The following ECT2L variants were observed in gnomAD, a reference collection of about 807,000 sequenced individuals.
The protein encoded by ECT2L is epithelial cell-transforming sequence 2 oncogene-like.
A neutral mutation model predicts 122.8 loss-of-function variants in ECT2L; 126 were observed. The observed-to-expected ratio is 1.03, with a 90% CI of 0.89 to 1.19. The LOEUF is 1.19. ECT2L is among the 50% of genes most tolerant of loss of function. The pLI is 0.00. For synonymous variants in ECT2L, 385 were observed against 381.8 expected (o/e 1.01, Z -0.10); for missense variants, 1,012 against 1,064.1 (o/e 0.95, Z 0.68).
At chr6:138,836,536 C>A (rs1048342505) in intron 4 of ECT2L, among the ~76,000 whole-genome samples, 6 of 152,014 alleles carry the variant, frequency 3.9e-5, no homozygotes, top group African/African-American at 1.4e-4. Context: ...GATCCACCCA[C>A]CTCGGCCTCC....
At chr6:138,866,539 C>T (rs546482672) in intron 12 of ECT2L, among the ~76,000 whole-genome samples, 20 of 151,730 alleles carry the variant, frequency 1.3e-4, no homozygotes, top group Admixed American at 5.3e-4. Flanking sequence ...GTGTGAGCCA[C>T]CGTGCCCAGC....
intron 15 of ECT2L, among the ~76,000 whole-genome samples, chr6:138,882,089 A>T (rs927205104): frequency 1.3e-5 from 2 of 152,236 alleles, no homozygotes; most frequent in Non-Finnish European, 2.9e-5. Context: ...CCCAAGGCTG[A>T]GGGTCAGTTT....
intron 4 of ECT2L, among the ~76,000 whole-genome samples, chr6:138,827,235 C>T (rs944415721): frequency 6.6e-6 from 1 of 152,104 alleles, no homozygotes; most frequent in Non-Finnish European, 1.5e-5. Context: ...GTAATCCCAG[C>T]TACTCTGGAG....
chr6:138,851,657 A>T (rs1249892827), intron 9 of ECT2L, among the ~76,000 whole-genome samples: 1 of 151,982 alleles, frequency 6.6e-6, no homozygotes, highest in Non-Finnish European at 1.5e-5. Context: ...GCACATTTTT[A>T]AAAATTGGGT....
intron 20 of ECT2L, among the ~76,000 whole-genome samples, chr6:138,898,589 CCAG>C (rs944235063): frequency 7.9e-5 from 12 of 152,166 alleles, no homozygotes; most frequent in Admixed American, 7.9e-4. Context: ...CTCAGCATCA[CCAG>C]AGAGCTTGCC....
chr6:138,827,200 T>G (rs1776480403), intron 4 of ECT2L, among the ~76,000 whole-genome samples: 1 of 151,936 alleles, frequency 6.6e-6, no homozygotes, highest in African/African-American at 2.4e-5. Context: ...TACAAAAAAT[T>G]AGCCAGGTGT....
intron 20 of ECT2L, 106 bp from the exon 21 acceptor site, chr6:138,900,842 T>A: frequency 1.7e-6 from 2 of 1,193,446 alleles, no homozygotes; most frequent in Admixed American, 5.5e-5. Flanking sequence ...ATGTCAGTAG[T>A]GGGGTAAAAG....
At position 138,844,586 on chromosome 6, in the gene ECT2L, C is replaced by T. The variant is rs1411760639; in HGVS notation, c.764+6C>T. ...TTAGAAACCTTGCCCAAGCGGTAAG[C>T]AAAATTCCATCTACTGAAGGCTCAA... On this transcript the variant is annotated splice_donor_region_variant and intron_variant, in intron 7 of 21. Coordinates refer to ENST00000541398, the MANE Select transcript of ECT2L (RefSeq NM_001077706.3). 1 of 1,613,314 alleles carries T rather than the reference C, an allele frequency of 6.2e-7. No homozygotes were observed. The highest frequency in any genetic ancestry group is 8.5e-7 in the Non-Finnish European group (1 of 1,179,580).
chr6:138,858,776 G>T (rs1392542009), intron 10 of ECT2L, among the ~76,000 whole-genome samples: 1 of 138,968 alleles, frequency 7.2e-6, no homozygotes, highest in Non-Finnish European at 1.5e-5. Flanking sequence ...TGAAATCACG[G>T]CTCAGTGCAG....
At chr6:138,861,466 T>C (rs573439921) in intron 10 of ECT2L, among the ~76,000 whole-genome samples, 1 of 152,334 alleles carries the variant, frequency 6.6e-6, no homozygotes, top group East Asian at 1.9e-4. Flanking sequence ...TGATTTGCAT[T>C]TCTCTAATGA....
In ECT2L at chr6:138,843,064, G is replaced by A. The variant is rs548413493; in HGVS notation, c.428G>A (p.Arg143His). The change falls in exon 6 of 22, where the codon CGC (arginine) becomes CAC (histidine). Residue 143 changes from arginine (R) to histidine (H), a missense_variant. Physicochemically the swap from Arg to His is conservative, Grantham distance 29. Transcript: ENST00000541398. ...PTDNEYGAWK[R>H]HYIACVSHLD... is the part of the protein sequence containing the mutation. ...GATAATGAGTATGGTGCTTGGAAGC[G>A]CCATTACATTGCTTGTGTGTCCCAC... The A allele has an allele frequency of 3.3e-5, 53 of 1,613,636 alleles. No homozygotes were observed. Among genetic ancestry groups the A allele is most frequent in the Middle Eastern group, 1.7e-4 (1 of 6,058 alleles).
At chr6:138,878,306 T>TATATACACAC (rs139026623) in intron 14 of ECT2L, among the ~76,000 whole-genome samples, 3 of 150,218 alleles carry the variant, frequency 2.0e-5, no homozygotes, top group African/African-American at 7.4e-5. Flanking sequence ...CATATATATA[T>TATATACACAC]ACACACACAC....
rs1254341814 is a variant in ECT2L at position 138,885,512 on chromosome 6, G to T, written c.2035G>T (p.Glu679Ter). The change falls in exon 17 of 22, where the codon GAA becomes TAA. Residue 679 changes from glutamate (E) to a stop codon, truncating the protein, a stop_gained. Coordinates refer to ENST00000541398, the MANE Select transcript of ECT2L (RefSeq NM_001077706.3). LOFTEE classifies it high-confidence loss of function. ...VILKTIEKCR[E>*]MIPAFRTFLK... Reference sequence around the variant, plus strand: ...TATAATCCTCACCTTTTAGTGCAGAGAAATGATACCAGCATTCCGAACTTT... The same window carrying T: ...TATAATCCTCACCTTTTAGTGCAGATAAATGATACCAGCATTCCGAACTTT... 14 of 1,614,048 alleles carry T rather than the reference G, an allele frequency of 8.7e-6. No homozygotes were observed. The highest frequency in any genetic ancestry group is 1.1e-5 in the Non-Finnish European group (13 of 1,180,004).
chr6:138,874,630 A>C (rs1216402771), intron 13 of ECT2L, among the ~76,000 whole-genome samples: 8 of 152,144 alleles, frequency 5.3e-5, no homozygotes, highest in African/African-American at 1.7e-4. Context: ...TTAATGCATA[A>C]ATTTTCATGT....
At chr6:138,880,785 C>T (rs1271899097) in intron 14 of ECT2L, among the ~76,000 whole-genome samples, 172 bp from the exon 15 acceptor site, 1 of 152,176 alleles carries the variant, frequency 6.6e-6, no homozygotes, top group Non-Finnish European at 1.5e-5. Flanking sequence ...ATGAGGGGCT[C>T]TTTGATGATA....
intron 8 of ECT2L, among the ~76,000 whole-genome samples, chr6:138,848,442 A>G (rs1286713497): frequency 6.6e-6 from 1 of 152,212 alleles, no homozygotes; most frequent in African/African-American, 2.4e-5. Flanking sequence ...TAAAGGAAGC[A>G]CAAAGATGAC....
intron 20 of ECT2L, among the ~76,000 whole-genome samples, chr6:138,897,125 T>C (rs1163691098): frequency 1.3e-5 from 2 of 152,182 alleles, no homozygotes; most frequent in East Asian, 3.9e-4. Flanking sequence ...TGAATCTATC[T>C]GTAAATAAGC....
At chr6:138,853,124 C>T (rs946547700) in intron 9 of ECT2L, among the ~76,000 whole-genome samples, 13 of 152,222 alleles carry the variant, frequency 8.5e-5, no homozygotes, top group South Asian at 4.2e-4. Flanking sequence ...TGCACCACCA[C>T]GCCCAGCTGA....
At chr6:138,816,106 GTT>G (rs1394785097) in intron 4 of ECT2L, among the ~76,000 whole-genome samples, 1 of 152,178 alleles carries the variant, frequency 6.6e-6, no homozygotes, top group Non-Finnish European at 1.5e-5. Context: ...CATTGGCTAT[GTT>G]TCTTTTTACT....
Sources: allele counts gnomAD v4.1 joint callset (sites outside exome capture counted in the v4.1 genomes callset), GRCh38; gene constraint gnomAD v4.1.1; transcripts MANE v1.5; gene names NCBI Gene and HGNC (gene_info 2026-07-23, HGNC 2026-07-21).